Variants in FAM221A observed in about 807,000 individuals in gnomAD.
FAM221A encodes the protein protein FAM221A.
Under a neutral mutation model 37.6 loss-of-function variants are expected in FAM221A, and 43 were observed. The ratio of observed to expected loss-of-function variants is 1.15; its 90% CI spans 0.90 to 1.48. The LOEUF (loss-of-function observed/expected upper bound fraction) is 1.48, where lower values mean the gene tolerates loss of function less well. Among genes scored for constraint, FAM221A ranks in the 40% most tolerant of loss-of-function variants. FAM221A has a pLI of 0.00. For synonymous variants in FAM221A, 135 were observed against 132.9 expected (o/e 1.02, Z -0.11); for missense variants, 361 against 361.5 (o/e 1.00, Z 0.01).
chr7:23,690,188 TATATATA>T (rs1219407667), intron 3 of FAM221A, among the ~76,000 whole-genome samples: 5 of 55,350 alleles, frequency 9.0e-5, no homozygotes, highest in Non-Finnish European at 1.6e-4. Flanking sequence ...TATATATATA[TATATATA>T]TATATTTTTT....
At chr7:23,692,806 A>G (rs1298730733) in intron 4 of FAM221A, 1 of 863,660 alleles carries the variant, frequency 1.2e-6, no homozygotes, top group Non-Finnish European at 1.4e-6. Flanking sequence ...ATACAATTTT[A>G]CTATTTACTT....
intron 1 of FAM221A, among the ~76,000 whole-genome samples, chr7:23,681,398 T>G (rs1003197190): frequency 5.3e-5 from 8 of 152,222 alleles, no homozygotes; most frequent in African/African-American, 1.9e-4. Context: ...ATGTATGTAG[T>G]TATTTATTTT....
Position 23,680,207 on chromosome 7 carries a change from T to A in FAM221A, c.-12T>A. The A allele has an allele frequency of 8.4e-6, 13 of 1,548,288 alleles. No homozygotes were observed. Among genetic ancestry groups the A allele is most frequent in the Non-Finnish European group, 1.0e-5 (12 of 1,145,340 alleles). On this transcript the variant is annotated 5_prime_UTR_variant, in exon 1 of 7. Transcript: ENST00000344962. ...CTGGTCCGCAGGGAAGCCTTTGGCT[T>A]CCCCACCGGCAATGGAGCGGTTGAC...
intron 4 of FAM221A, chr7:23,693,727 A>G (rs2128045435): frequency 6.6e-6 from 1 of 152,020 alleles, no homozygotes; most frequent in Admixed American, 6.5e-5. Context: ...ATTTTTTGTG[A>G]AAGTGTGAGG....
Position 23,702,191 on chromosome 7 carries a change from A to C in FAM221A, c.*27A>C, listed in dbSNP as rs201987554. 135 of 1,408,058 alleles carry C rather than the reference A, an allele frequency of 9.6e-5. 1 individual carries two copies. The highest frequency in any genetic ancestry group is 3.9e-4 in the Admixed American group (18 of 46,530). The allele number at this position is 1,408,058 out of a possible 1,614,324, so 87.2% of individuals were successfully genotyped here. On this transcript the variant is annotated 3_prime_UTR_variant, in exon 7 of 7. Coordinates refer to ENST00000344962, the MANE Select transcript of FAM221A (RefSeq NM_199136.5). The stretch of plus-strand genomic sequence containing the variant: ...GACTATTGGAGAAATTAAAACCATC[A>C]TCCAAGTATCTTTTTCATGTTTATT...
At chr7:23,684,780 A>G (rs1784267694) in intron 2 of FAM221A, 108 bp downstream of exon 2, 19 of 1,054,858 alleles carry the variant, frequency 1.8e-5, no homozygotes, top group Non-Finnish European at 2.3e-5. Flanking sequence ...ATTGTCCTTT[A>G]TATAGTAGAG....
chr7:23,699,839 GC>G (rs1352725661), intron 5 of FAM221A, among the ~76,000 whole-genome samples: 1 of 152,006 alleles, frequency 6.6e-6, no homozygotes. Flanking sequence ...AGTGCACCTG[GC>G]CTGATAGTCA....
intron 3 of FAM221A, among the ~76,000 whole-genome samples, chr7:23,690,193 A>ATTT (rs1188163263): frequency 1.5e-4 from 7 of 46,510 alleles, no homozygotes; most frequent in Non-Finnish European, 3.6e-4. Flanking sequence ...ATATATATAT[A>ATTT]TATATATTTT....
Position 23,689,368 on chromosome 7 carries a change from T to G in FAM221A, c.339T>G (p.Tyr113Ter). The change falls in exon 3 of 7, where the codon TAT (tyrosine) becomes TAG (stop). Residue 113 changes from tyrosine (Y) to a stop codon, truncating the protein, a stop_gained. Transcript: ENST00000344962. LOFTEE classifies it high-confidence loss of function. ...GCTGCCAGTGCAGGGCTTACCTTTA[T>G]GTCCCCTTGAATGGTAGCCAGCCCA... Reference protein sequence around the residue: ...VTGCQCRAYLYVPLNGSQPIR... With the variant: ...VTGCQCRAYL 1 of 1,609,266 alleles carries G rather than the reference T, an allele frequency of 6.2e-7. No homozygotes were observed.
intron 5 of FAM221A, among the ~76,000 whole-genome samples, chr7:23,698,725 AT>A (rs1785217010): frequency 6.6e-6 from 1 of 152,176 alleles, no homozygotes; most frequent in Admixed American, 6.5e-5. Context: ...AGTATTCTGT[AT>A]TTTCCTTACT....
chr7:23,687,339 A>G (rs1375923888), intron 2 of FAM221A: 3 of 152,124 alleles, frequency 2.0e-5, no homozygotes, highest in South Asian at 2.1e-4. Context: ...CCAATTCTGC[A>G]TTTGTTTTAT....
At chr7:23,693,867 C>G (rs1249185724) in intron 4 of FAM221A, 1 of 152,122 alleles carries the variant, frequency 6.6e-6, no homozygotes, top group Non-Finnish European at 1.5e-5. Flanking sequence ...GATACATGTG[C>G]AGAACATGCA....
chr7:23,697,488 G>T (rs1432778618), intron 4 of FAM221A, among the ~76,000 whole-genome samples: 2 of 152,128 alleles, frequency 1.3e-5, no homozygotes, highest in African/African-American at 2.4e-5. Flanking sequence ...ATTGAAGAGG[G>T]TGCTTTCTTC....
chr7:23,683,212 G>C (rs1047899340), intron 1 of FAM221A, among the ~76,000 whole-genome samples: 1 of 152,130 alleles, frequency 6.6e-6, no homozygotes, highest in African/African-American at 2.4e-5. Context: ...ACTTCTTTTA[G>C]TCGTGCTTTC....
chr7:23,680,433 TTA>T lies in FAM221A; in HGVS notation c.65+151_65+152del, dbSNP rs542818000. ...GGGGGAGGCCTAGATGAATTCCAGT[TTA>T]GTCTTTGCCTAATTAAATATTGTAG... On this transcript the variant is annotated intron_variant, in intron 1 of 6. Transcript: ENST00000344962. 385 of 630,230 alleles carry T rather than the reference TTA, an allele frequency of 6.1e-4. 1 individual carries two copies. The African/African-American group carries it at 6.6e-3, about 11-fold the overall frequency. The allele number at this position is 630,230 out of a possible 1,614,324, so 39.0% of individuals were successfully genotyped here.
At chr7:23,700,744 T>G (rs772327032) in intron 5 of FAM221A, 42 bp from the exon 6 acceptor site, 1 of 1,226,966 alleles carries the variant, frequency 8.2e-7, no homozygotes, top group South Asian at 1.4e-5. Context: ...GGGGAATATG[T>G]AATGATATAA....
chr7:23,700,254 C>G (rs763750829), intron 5 of FAM221A, among the ~76,000 whole-genome samples: 11 of 152,200 alleles, frequency 7.2e-5, no homozygotes, highest in Non-Finnish European at 1.6e-4. Context: ...AGGCTCTTGG[C>G]TACCTGCCAA....
intron 1 of FAM221A, 47 bp downstream of exon 1, chr7:23,680,330 A>C: frequency 6.8e-7 from 1 of 1,466,584 alleles, no homozygotes; most frequent in Non-Finnish European, 9.2e-7. Context: ...CCGAGGGGCC[A>C]GGATCCCTGG....
At chr7:23,693,409 A>C (rs902451712) in intron 4 of FAM221A, 1 of 150,792 alleles carries the variant, frequency 6.6e-6, no homozygotes, top group African/African-American at 2.4e-5. Context: ...TGAGATAGGG[A>C]TCTTTTCATA....
Sources: gnomAD v4.1 joint callset for allele counts (sites outside exome capture counted in the v4.1 genomes callset) on GRCh38, gnomAD v4.1.1 for gene constraint, MANE v1.5 for transcripts, NCBI Gene and HGNC (gene_info 2026-07-23, HGNC 2026-07-21) for gene names.